SPNS2: variants seen among roughly 807,000 people sequenced by gnomAD.
The protein encoded by SPNS2 is SPNS lysolipid transporter 2, sphingosine-1-phosphate, also known as sphingosine-1-phosphate transporter SPNS2.
Under a neutral mutation model 57.6 loss-of-function variants are expected in SPNS2, and 37 were observed. The ratio of observed to expected loss-of-function variants is 0.64; its 90% confidence interval spans 0.49 to 0.85. The LOEUF (loss-of-function observed/expected upper bound fraction) is 0.85, where lower values mean the gene tolerates loss of function less well. Ranked by LOEUF, SPNS2 falls within the 40% of genes least tolerant of loss-of-function variation. The pLI, the probability that SPNS2 is intolerant of heterozygous loss-of-function variation, is 0.00. For missense variants in SPNS2, 831 were observed against 779.1 expected (o/e 1.07, Z -0.79); for synonymous variants, 440 against 346.9 (o/e 1.27, Z -2.98).
intron 2 of SPNS2, among the ~76,000 whole-genome samples, chr17:4,516,960 G>A (rs1311943800): frequency 6.6e-6 from 1 of 152,202 alleles, no homozygotes; most frequent in Non-Finnish European, 1.5e-5. Context: ...GACATAAAAA[G>A]TAGTGAGAAT....
chr17:4,533,499 G>T, intron 8 of SPNS2, 67 bp downstream of exon 8: 1 of 1,476,732 alleles, frequency 6.8e-7, no homozygotes, highest in South Asian at 1.3e-5. Flanking sequence ...TCTGGAACAG[G>T]ACATTCGGTC....
intron 1 of SPNS2, among the ~76,000 whole-genome samples, chr17:4,502,563 A>G (rs1056768747): frequency 6.6e-6 from 1 of 152,176 alleles, no homozygotes; most frequent in Non-Finnish European, 1.5e-5. Context: ...CTTTGTTGCC[A>G]GAGTTCGAGC....
chr17:4,535,299 G>A (rs1905723307), intron 9 of SPNS2, among the ~76,000 whole-genome samples: 2 of 152,184 alleles, frequency 1.3e-5, no homozygotes, highest in African/African-American at 2.4e-5. Flanking sequence ...GGGTGCCCGC[G>A]GGTGCGAGCG....
At chr17:4,504,125 A>C (rs1904609342) in intron 1 of SPNS2, among the ~76,000 whole-genome samples, 2 of 151,808 alleles carry the variant, frequency 1.3e-5, no homozygotes, top group Non-Finnish European at 2.9e-5. Flanking sequence ...CTCTCTCTTT[A>C]GATAAGGATG....
chr17:4,500,806 C>A (rs978034192), intron 1 of SPNS2, among the ~76,000 whole-genome samples: 3 of 152,002 alleles, frequency 2.0e-5, no homozygotes, highest in African/African-American at 4.8e-5. Flanking sequence ...CCCCCTCCCC[C>A]CATTCCTGCT....
intron 6 of SPNS2, 143 bp from the exon 7 acceptor site, chr17:4,532,834 G>A (rs1012090706): frequency 1.2e-5 from 17 of 1,457,116 alleles, no homozygotes; most frequent in East Asian, 2.3e-5. Flanking sequence ...CCCCAGAATC[G>A]ATTATTCCTG....
intron 2 of SPNS2, among the ~76,000 whole-genome samples, chr17:4,516,352 C>CAAACAAAAAAAAAA (rs1567590083): frequency 3.7e-5 from 2 of 53,592 alleles, no homozygotes; most frequent in Non-Finnish European, 3.2e-5. Context: ...AACAAAAAAA[C>CAAACAAAAAAAAAA]CGCTCATAGG....
At chr17:4,519,607 A>ACACGTGAGCTGAGCGAGGGCTTCCCCC (rs1421722421) in intron 2 of SPNS2, among the ~76,000 whole-genome samples, 1 of 152,042 alleles carries the variant, frequency 6.6e-6, no homozygotes, top group Non-Finnish European at 1.5e-5. Context: ...TGGGCTCAGC[A>ACACGTGAGCTGAGCGAGGGCTTCCCCC]CACCCTCCAC....
At chr17:4,516,758 A>G (rs1905007251) in intron 2 of SPNS2, among the ~76,000 whole-genome samples, 1 of 152,196 alleles carries the variant, frequency 6.6e-6, no homozygotes, top group South Asian at 2.1e-4. Flanking sequence ...TGAAATTACA[A>G]AGCTGAGCTT....
At chr17:4,508,560 G>A (rs1904742328) in intron 1 of SPNS2, among the ~76,000 whole-genome samples, 1 of 152,142 alleles carries the variant, frequency 6.6e-6, no homozygotes, top group South Asian at 2.1e-4. Context: ...TGGAGTCAGG[G>A]GCTGTATGTG....
intron 1 of SPNS2, among the ~76,000 whole-genome samples, chr17:4,507,754 C>T (rs977305720): frequency 6.6e-6 from 1 of 152,200 alleles, no homozygotes; most frequent in Non-Finnish European, 1.5e-5. Flanking sequence ...TTGGGGAAAG[C>T]AGGGGGTACG....
chr17:4,510,833 G>C lies in SPNS2; in HGVS notation c.371-2414G>C, dbSNP rs1904811482. Among the ~76,000 whole-genome samples the C allele has an allele frequency of 6.6e-6, 1 of 152,192 alleles. No individual in the cohort carries two copies. The highest frequency in any genetic ancestry group is 6.5e-5 in the Admixed American group (1 of 15,280). The stretch of plus-strand genomic sequence containing the variant: ...TAAAGTCCCTGTGGGTTATGTGTGT[G>C]CTGGGCCCTGGAGGACACCAGCAAA... On this transcript the variant is annotated intron_variant, in intron 1 of 12. Transcript: ENST00000329078. This position sits in a 1 kb window ranked among gnomAD's most constrained non-coding sequence, Gnocchi z 4.4.
rs1242105161 is a variant in SPNS2, at chr17:4,533,149, G to GC, written c.1088+23dup. The GC allele has an allele frequency of 6.3e-7, 1 of 1,594,666 alleles. No homozygotes were observed. The highest frequency in any genetic ancestry group is 8.6e-7 in the Non-Finnish European group (1 of 1,168,752). Reference sequence around the variant, plus strand: ...GGACAGGTGGGGCCCCGCGGGGTGGGCCCAGGGCTGGTGAGGGACCTCGGA... The same window carrying GC: ...GGACAGGTGGGGCCCCGCGGGGTGGGCCCCAGGGCTGGTGAGGGACCTCGGA... On this transcript the variant is annotated intron_variant, in intron 7 of 12. Coordinates refer to ENST00000329078, the MANE Select transcript of SPNS2 (RefSeq NM_001124758.3).
intron 2 of SPNS2, among the ~76,000 whole-genome samples, chr17:4,514,764 G>A (rs1233988440): frequency 6.6e-6 from 1 of 152,236 alleles, no homozygotes; most frequent in African/African-American, 2.4e-5. Flanking sequence ...CTAGCCCTCT[G>A]GGCTGTGTGC....
chr17:4,524,908 G>C (rs977189835), intron 2 of SPNS2, 149 bp from the exon 3 acceptor site: 1 of 1,100,384 alleles, frequency 9.1e-7, no homozygotes, highest in Non-Finnish European at 1.3e-6. Flanking sequence ...CCACCTTCCT[G>C]GGGTGCAGGT....
In SPNS2 at chr17:4,501,161, CAGTA is replaced by C. The variant is rs1218042556; in HGVS notation, c.370+1747_370+1750del. Among the ~76,000 whole-genome samples the C allele has an allele frequency of 3.3e-5, 5 of 152,204 alleles. No homozygotes were observed. In the East Asian group the frequency reaches 7.7e-4, roughly 23 times the overall value. On this transcript the variant is annotated intron_variant, in intron 1 of 12. Transcript: ENST00000329078. ...CTGGCAAAGCTGGTGTTAGCTCTAA[CAGTA>C]AGGCTCTGCCTGGGAGGAGGTCTTC...
At chr17:4,505,743 T>C (rs555413852) in intron 1 of SPNS2, among the ~76,000 whole-genome samples, 2 of 152,156 alleles carry the variant, frequency 1.3e-5, no homozygotes, top group Non-Finnish European at 2.9e-5. Flanking sequence ...GAGGAGAGCA[T>C]CGGCATCGGG....
At chr17:4,526,528 C>T (rs1037847684) in intron 3 of SPNS2, among the ~76,000 whole-genome samples, 3 of 151,140 alleles carry the variant, frequency 2.0e-5, no homozygotes, top group South Asian at 4.2e-4. Context: ...GCTTGAACCT[C>T]GAAGGCAGAG....
intron 9 of SPNS2, chr17:4,534,463 CTGGCCAGGGTCAGGA>C (rs2144374981): frequency 6.3e-6 from 1 of 158,874 alleles, no homozygotes; most frequent in East Asian, 1.8e-4. Flanking sequence ...AAGGGTCAGC[CTGGCCAGGGTCAGGA>C]GGGGACAGGA....
Sources: gnomAD v4.1 joint callset for allele counts (sites outside exome capture counted in the v4.1 genomes callset) on GRCh38, gnomAD v4.1.1 for gene constraint, Gnocchi (gnomAD v3.1) non-coding constraint, MANE v1.5 for transcripts, NCBI Gene and HGNC (gene_info 2026-07-23, HGNC 2026-07-21) for gene names.